Variants in ARID5B observed in about 807,000 individuals in gnomAD.
ARID5B encodes AT-rich interactive domain-containing protein 5B.
In ARID5B, 13 loss-of-function variants were observed where a neutral mutation model predicts 97.2. That is an observed-to-expected ratio of 0.13 (90% CI 0.09 to 0.21). The LOEUF is 0.21. ARID5B is among the 10% of genes least tolerant of loss of function. The pLI is 1.00. For synonymous variants in ARID5B, 556 were observed against 570.3 expected (o/e 0.97, Z 0.36); for missense variants, 1,210 against 1,465.3 (o/e 0.83, Z 2.84).
rs116398993 is a variant in ARID5B, at chr10:62,073,598, G to A, written c.1199+3801G>A. Among the ~76,000 whole-genome samples the A allele has an allele frequency of 3.2e-3, 482 of 152,256 alleles. 3 individuals carry two copies. Among genetic ancestry groups the A allele is most frequent in the African/African-American group, 0.011 (460 of 41,562 alleles). On this transcript the variant is annotated intron_variant, in intron 8 of 9. Transcript: ENST00000279873. ...TCATAAAAATGTCTTTGTCAGCCGG[G>A]TTTTGCTTCCAAATCTATTCATCTC...
intron 3 of ARID5B, among the ~76,000 whole-genome samples, chr10:61,988,352 A>G (rs942353584): frequency 6.6e-6 from 1 of 152,240 alleles, no homozygotes. Context: ...ACATGGCACC[A>G]AGTGAACCTG....
intron 4 of ARID5B, among the ~76,000 whole-genome samples, chr10:62,032,293 C>T (rs1404881180): frequency 1.3e-5 from 2 of 152,170 alleles, no homozygotes; most frequent in African/African-American, 4.8e-5. Context: ...CACACTCCAG[C>T]CTCAGCAATA....
Position 62,000,065 on chromosome 10 carries a change from A to AT in ARID5B, c.503-25dup, listed in dbSNP as rs758790303. 1 of 1,604,690 alleles carries AT rather than the reference A, an allele frequency of 6.2e-7. No homozygotes were observed. The highest frequency in any genetic ancestry group is 1.1e-5 in the South Asian group (1 of 90,830). On this transcript the variant is annotated intron_variant, in intron 3 of 9. Transcript: ENST00000279873. The surrounding 1 kb of genome is among the most constrained non-coding windows in gnomAD (Gnocchi z 4.4). ...GTTCTTTGTCAGAGGGAAGAGGGTA[A>AT]TGGAAGTGTTTTCTCGTTTGTCTAG...
chr10:61,988,936 C>CTTTTTTTTTTTTTTTTTTT (rs61016394), intron 3 of ARID5B, among the ~76,000 whole-genome samples: 2 of 122,250 alleles, frequency 1.6e-5, no homozygotes, highest in Non-Finnish European at 1.6e-5. Flanking sequence ...TTTTCTTTTA[C>CTTTTTTTTTTTTTTTTTTT]TTTTTTTTTT....
At chr10:62,089,482 C>T (rs544205040) in intron 9 of ARID5B, among the ~76,000 whole-genome samples, 1 of 151,048 alleles carries the variant, frequency 6.6e-6, no homozygotes, top group African/African-American at 2.4e-5. Flanking sequence ...TGCCTTCCTT[C>T]CTTCCTTTCT....
rs1259847014 is a variant in ARID5B at position 62,092,599 on chromosome 10, G to T, written c.3136G>T (p.Ala1046Ser). The change falls in exon 10 of 10, where the codon GCC becomes TCC. Residue 1046 changes from alanine (A) to serine (S), a missense_variant. Ala to Ser is a moderately conservative substitution (Grantham distance 99, BLOSUM62 1). Coordinates refer to ENST00000279873, the MANE Select transcript of ARID5B (RefSeq NM_032199.3). ...PSKEVSGKEKASEQESEGSKA... is the reference protein window; with the variant it reads ...PSKEVSGKEKSSEQESEGSKA... ...CAAGGAGGTCTCTGGGAAGGAGAAG[G>T]CCTCTGAGCAGGAGAGTGAAGGCAG... 3.1e-6 allele frequency: 5 copies of T among 1,614,204 alleles called. No homozygotes were observed. The East Asian group carries it at 8.9e-5, about 29-fold the overall frequency.
At chr10:61,976,508 A>G (rs1838700665) in intron 3 of ARID5B, among the ~76,000 whole-genome samples, 1 of 152,194 alleles carries the variant, frequency 6.6e-6, no homozygotes, top group South Asian at 2.1e-4. Context: ...TTTGGATAGT[A>G]CCAATGGAAA....
At chr10:61,973,456 C>T (rs998543742) in intron 3 of ARID5B, among the ~76,000 whole-genome samples, 1 of 152,172 alleles carries the variant, frequency 6.6e-6, no homozygotes, top group Admixed American at 6.5e-5. Context: ...ATTCATTCCA[C>T]TATTTGTGGC....
At chr10:61,924,749 C>T (rs1470999924) in intron 2 of ARID5B, among the ~76,000 whole-genome samples, 1 of 152,176 alleles carries the variant, frequency 6.6e-6, no homozygotes, top group Non-Finnish European at 1.5e-5. Context: ...TAATTAATGG[C>T]AACGGTATAT....
rs1199904253 is a variant in ARID5B, at chr10:62,000,605, C to G, written c.733+284C>G. 1.3e-5 allele frequency among the ~76,000 whole-genome samples: 2 copies of G among 152,166 alleles called. No individual in the cohort carries two copies. The highest frequency in any genetic ancestry group is 2.9e-5 in the Non-Finnish European group (2 of 68,022). On this transcript the variant is annotated intron_variant, in intron 4 of 9. Transcript: ENST00000279873. The surrounding 1 kb of genome is among the most constrained non-coding windows in gnomAD (Gnocchi z 4.4). ...ATTGGACTTTAGGACAGGAAGCTTT[C>G]ATGTTACTTTTCTCTCAAAAGGCTT...
At chr10:61,987,176 T>C (rs548185120) in intron 3 of ARID5B, among the ~76,000 whole-genome samples, 1 of 152,206 alleles carries the variant, frequency 6.6e-6, no homozygotes, top group African/African-American at 2.4e-5. Flanking sequence ...TCCCATTGGC[T>C]GAACAAGCAG....
intron 4 of ARID5B, among the ~76,000 whole-genome samples, chr10:62,043,653 G>A (rs1429457833): frequency 1.3e-5 from 2 of 152,226 alleles, no homozygotes; most frequent in African/African-American, 2.4e-5. Context: ...AAGGGTAGAA[G>A]TAAAATAATC....
rs1240284499 is a variant in ARID5B, at chr10:61,940,092, A to T, written c.277-91A>T. ...CCTTGCATTAGGTTAAACCACTCAC[A>T]TGGCATTTCAGATGGGCCTTGTGGA... On this transcript the variant is annotated intron_variant, in intron 2 of 9. Coordinates refer to ENST00000279873, the MANE Select transcript of ARID5B (RefSeq NM_032199.3). 3.7e-5 allele frequency: 44 copies of T among 1,178,590 alleles called. No homozygotes were observed. Among genetic ancestry groups the T allele is most frequent in the Non-Finnish European group, 2.5e-6 (2 of 796,356 alleles). The allele number at this position is 1,178,590 out of a possible 1,614,324, so 73.0% of individuals were successfully genotyped here.
intron 3 of ARID5B, among the ~76,000 whole-genome samples, chr10:61,964,760 A>G (rs1838519813): frequency 6.6e-6 from 1 of 152,226 alleles, no homozygotes; most frequent in African/African-American, 2.4e-5. Flanking sequence ...TAAAGGGGTT[A>G]AGTAGAGAAT....
chr10:62,090,939 C>A lies in ARID5B; in HGVS notation c.1476C>A (p.Asp492Glu), dbSNP rs1208948143. 2 of 1,613,820 alleles carry A rather than the reference C, an allele frequency of 1.2e-6. No individual in the cohort carries two copies. The highest frequency in any genetic ancestry group is 1.7e-6 in the Non-Finnish European group (2 of 1,179,992). The part of the protein sequence containing the change: ...KSIPEPLPAA[D>E]MKKKIEGYQE... ...TCCCTGAGCCTCTCCCAGCAGCAGA[C>A]ATGAAGAAAAAAATAGAAGGGTATC... Residue 492 changes from aspartate (D) to glutamate (E), a missense_variant, in exon 10 of 10, where the codon GAC (aspartate) becomes GAA (glutamate). Transcript: ENST00000279873.
intron 4 of ARID5B, among the ~76,000 whole-genome samples, chr10:62,042,589 C>T (rs1295977184): frequency 1.3e-5 from 2 of 152,130 alleles, no homozygotes; most frequent in Admixed American, 6.5e-5. Flanking sequence ...CTAAGATGTC[C>T]GCTCTGCCCT....
At chr10:61,919,449 C>T (rs1398678711) in intron 2 of ARID5B, among the ~76,000 whole-genome samples, 1 of 152,052 alleles carries the variant, frequency 6.6e-6, no homozygotes, top group Non-Finnish European at 1.5e-5. Flanking sequence ...TCAGCCAGAC[C>T]ATGTAAAGGG....
At chr10:61,916,657 C>G (rs781576809) in intron 2 of ARID5B, among the ~76,000 whole-genome samples, 4 of 152,114 alleles carry the variant, frequency 2.6e-5, no homozygotes, top group African/African-American at 4.8e-5. Context: ...AATGGGAACT[C>G]AAGCTGTTTT....
chr10:62,034,659 G>A (rs1364483882), intron 4 of ARID5B, among the ~76,000 whole-genome samples: 2 of 152,168 alleles, frequency 1.3e-5, no homozygotes, highest in Non-Finnish European at 2.9e-5. Flanking sequence ...TGTGGCAGGG[G>A]ATTATTTTGC....
Sources: allele counts gnomAD v4.1 joint callset (sites outside exome capture counted in the v4.1 genomes callset), GRCh38; gene constraint gnomAD v4.1.1; non-coding constraint Gnocchi (gnomAD v3.1); transcripts MANE v1.5; gene names NCBI Gene and HGNC (gene_info 2026-07-23, HGNC 2026-07-21).